PEX6: variants seen among roughly 807,000 people sequenced by gnomAD.
PEX6 encodes peroxisome biogenesis factor 6.
A neutral mutation model predicts 85.6 loss-of-function variants in PEX6; 55 were observed. That is an observed-to-expected ratio of 0.64 (90% confidence interval 0.52 to 0.80). PEX6 has a LOEUF of 0.80. PEX6 is among the 30% of genes least tolerant of loss of function. The probability of loss-of-function intolerance (pLI) is 0.00; values close to 1 mark genes in which losing one functional copy is unlikely to be tolerated. For missense variants in PEX6, 1,099 were observed against 1,260.3 expected (o/e 0.87, Z 1.94); for synonymous variants, 519 against 549.1 (o/e 0.95, Z 0.77).
In PEX6 at chr6:42,971,441, A is replaced by C. The variant is rs562516590; in HGVS notation, c.1131-1454T>G. Among the ~76,000 whole-genome samples the C allele has an allele frequency of 6.0e-4, 91 of 152,330 alleles. 1 individual carries two copies. The highest frequency in any genetic ancestry group is 4.9e-3 in the Admixed American group (75 of 15,302). Reference sequence around the variant, plus strand: ...CCACCTCAGTGAATAGAAAGGCCAGAGCTCTGGAACCTATGTGGACACTGC... The same window carrying C: ...CCACCTCAGTGAATAGAAAGGCCAGCGCTCTGGAACCTATGTGGACACTGC... On this transcript the variant is annotated intron_variant, in intron 3 of 16. Transcript: ENST00000304611. The surrounding 1 kb of genome is among the most constrained non-coding windows in gnomAD (Gnocchi z 4.4).
Position 42,974,947 on chromosome 6 carries a change from A to G in PEX6, c.974T>C (p.Ile325Thr). 1 of 1,613,744 alleles carries G rather than the reference A, an allele frequency of 6.2e-7. No homozygotes were observed. The highest frequency in any genetic ancestry group is 8.5e-7 in the Non-Finnish European group (1 of 1,179,696). The change falls in exon 2 of 17, where the codon ATT (isoleucine) becomes ACT (threonine). Residue 325 changes from isoleucine (I) to threonine (T), a missense_variant. Physicochemically the swap from Ile to Thr is moderately conservative, Grantham distance 89. Coordinates refer to ENST00000304611, the MANE Select transcript of PEX6 (RefSeq NM_000287.4). ...PPFARELHIE[I>T]VSSPHYSTNG... is the part of the protein sequence containing the mutation. Reference sequence around the variant, plus strand: ...AGTGCTGTAGTGGGGAGAAGACACAATTTCGATGTGTAACTCTCTGGCAAA... The same window carrying G: ...AGTGCTGTAGTGGGGAGAAGACACAGTTTCGATGTGTAACTCTCTGGCAAA...
At chr6:42,977,041 T>A (rs1345654068) in intron 1 of PEX6, among the ~76,000 whole-genome samples, 1 of 152,122 alleles carries the variant, frequency 6.6e-6, no homozygotes, top group Non-Finnish European at 1.5e-5. Context: ...GTGATAAAGG[T>A]GTCATCTTTA....
rs548845453 is a variant in PEX6, at chr6:42,965,114, C to T, written c.2627G>A (p.Arg876Gln). ...ACTTAGAACGCGTAGCTGGGAGGCC[C>T]GGTCCTCATTTGCCCCCACAAACAC... ...KLVFVGANED[R>Q]ASQLRVLSAI... The change falls in exon 15 of 17, where the codon CGG (arginine) becomes CAG (glutamine). Residue 876 changes from arginine to glutamine, a missense_variant. By Grantham distance (43) the Arg-to-Gln change is conservative. This residue lies in a region of PEX6 where 514 missense variants were observed against 627.0 expected (regional missense o/e 0.82). Transcript: ENST00000304611. This position sits in a 1 kb window ranked among gnomAD's most constrained non-coding sequence, Gnocchi z 5.0. 2.7e-5 allele frequency: 43 copies of T among 1,614,180 alleles called. No individual in the cohort carries two copies. In the South Asian group the frequency reaches 3.6e-4, roughly 14 times the overall value.
chr6:42,969,567 C>T (rs1769984807), intron 5 of PEX6, 101 bp downstream of exon 5: 1 of 1,462,414 alleles, frequency 6.8e-7, no homozygotes, highest in Admixed American at 1.7e-5. Context: ...CTCCCAATCC[C>T]ACTCTGGCCA....
chr6:42,973,035 G>GAA (rs1770122361), intron 3 of PEX6, among the ~76,000 whole-genome samples: 1 of 151,978 alleles, frequency 6.6e-6, no homozygotes, highest in African/African-American at 2.4e-5. Context: ...TTTTTGAGAT[G>GAA]GAGTCTTGCT....
intron 1 of PEX6, among the ~76,000 whole-genome samples, chr6:42,976,202 G>A (rs972174833): frequency 3.3e-5 from 5 of 151,770 alleles, no homozygotes; most frequent in Admixed American, 6.6e-5. Flanking sequence ...ATGGGGTTTC[G>A]CCATGTTAGC....
At chr6:42,967,290 C>T in intron 8 of PEX6, 78 bp downstream of exon 8, 1 of 1,421,116 alleles carries the variant, frequency 7.0e-7, no homozygotes, top group Non-Finnish European at 9.8e-7. Flanking sequence ...CTCTCACTCA[C>T]AAGGCAACAG....
In PEX6 at chr6:42,969,909, G is replaced by A. The variant is rs953983283; in HGVS notation, c.1209C>T (p.Asp403=). The change falls in exon 4 of 17, where the codon GAC becomes GAT. Residue 403 remains aspartate, a synonymous_variant. Coordinates refer to ENST00000304611, the MANE Select transcript of PEX6 (RefSeq NM_000287.4). ...PDGPASAYLA[D]TTHTSLYMVG... is the part of the protein sequence containing the mutation. ...CCATGTACAAGGAGGTATGGGTGGTGTCGGCCAAGTAGGCACTGGCTGGTC... is the reference window on the plus strand; with the variant it reads ...CCATGTACAAGGAGGTATGGGTGGTATCGGCCAAGTAGGCACTGGCTGGTC... 2 of 1,614,212 alleles carry A rather than the reference G, an allele frequency of 1.2e-6. No homozygotes were observed. Among genetic ancestry groups the A allele is most frequent in the Non-Finnish European group, 1.7e-6 (2 of 1,180,030 alleles).
chr6:42,967,629 C>A lies in PEX6; in HGVS notation c.1689-66G>T. Reference sequence around the variant, plus strand: ...TGGCAGCTCCTGTGGACTGCCTTGTCCCAAAGTCGGCACAGAAGGGCAGGG... The same window carrying A: ...TGGCAGCTCCTGTGGACTGCCTTGTACCAAAGTCGGCACAGAAGGGCAGGG... On this transcript the variant is annotated intron_variant, in intron 7 of 16. Transcript: ENST00000304611. 6 of 1,487,676 alleles carry A rather than the reference C, an allele frequency of 4.0e-6. No homozygotes were observed. The South Asian group carries it at 6.0e-5, about 15-fold the overall frequency. The allele number at this position is 1,487,676 out of a possible 1,614,324, so 92.2% of individuals were successfully genotyped here.
At chr6:42,974,442 GTTT>G (rs71855084) in intron 2 of PEX6, among the ~76,000 whole-genome samples, 14,851 of 114,140 alleles carry the variant, frequency 0.13, 1,043 homozygotes, top group African/African-American at 0.23. Flanking sequence ...TGTCTGAAAT[GTTT>G]TTTTTGTTTT....
In PEX6 at chr6:42,971,996, C is replaced by T. The variant is rs1045347004; in HGVS notation, c.1130+2007G>A. Among the ~76,000 whole-genome samples, 4 of 152,166 alleles carry T rather than the reference C, an allele frequency of 2.6e-5. No individual in the cohort carries two copies. Among genetic ancestry groups the T allele is most frequent in the Non-Finnish European group, 5.9e-5 (4 of 68,034 alleles). On this transcript the variant is annotated intron_variant, in intron 3 of 16. Coordinates refer to ENST00000304611, the MANE Select transcript of PEX6 (RefSeq NM_000287.4). The surrounding 1 kb of genome is among the most constrained non-coding windows in gnomAD (Gnocchi z 4.4). ...GACTCGTGGACTTAATCTGGAAAAC[C>T]TCGAAGAGGTGACATGGAGCCTAAA...
At chr6:42,976,681 T>G (rs1195876856) in intron 1 of PEX6, among the ~76,000 whole-genome samples, 1 of 151,524 alleles carries the variant, frequency 6.6e-6, no homozygotes, top group Admixed American at 6.6e-5. Context: ...TTTTACACAA[T>G]GAAGGTTTAT....
chr6:42,965,304 C>T lies in PEX6; in HGVS notation c.2536G>A (p.Gly846Arg), dbSNP rs753497339. ...AGGAGATCTGGTCTGTTGGTGGCTC[C>T]AATCACAAACACATCCTGAGTGCTG... ...LHSTQDVFVI[G>R]ATNRPDLLDP... Residue 846 changes from glycine to arginine, a missense_variant, in exon 14 of 17, where the codon GGA becomes AGA. Around this residue, in one of 3 missense-constraint regions of PEX6, gnomAD observed 514 missense variants for 627.0 expected, o/e 0.82. Transcript: ENST00000304611. The surrounding 1 kb of genome is among the most constrained non-coding windows in gnomAD (Gnocchi z 5.0). 1 of 1,614,142 alleles carries T rather than the reference C, an allele frequency of 6.2e-7. No homozygotes were observed. The highest frequency in any genetic ancestry group is 1.1e-5 in the South Asian group (1 of 91,084).
Position 42,964,861 on chromosome 6 carries a change from G to C in PEX6, c.2735C>G (p.Ala912Gly). The C allele has an allele frequency of 6.2e-7, 1 of 1,614,098 alleles. No individual in the cohort carries two copies. The highest frequency in any genetic ancestry group is 8.5e-7 in the Non-Finnish European group (1 of 1,180,002). Residue 912 changes from alanine (A) to glycine (G), a missense_variant, in exon 16 of 17, where the codon GCG becomes GGG. Physicochemically the swap from Ala to Gly is moderately conservative, Grantham distance 60. Transcript: ENST00000304611. The surrounding 1 kb of genome is among the most constrained non-coding windows in gnomAD (Gnocchi z 4.6). ...LDCCPPQLTG[A>G]DLYSLCSDAM... ...ATCAGAGCAGAGAGAGTAGAGGTCC[G>C]CGCCCGTCAGCTGGGGAGGGCAGCA... is the stretch of plus-strand genomic sequence containing the variant.
Position 42,964,766 on chromosome 6 carries a change from C to T in PEX6, c.2806+24G>A, listed in dbSNP as rs775962331. 3.7e-6 allele frequency: 6 copies of T among 1,613,720 alleles called. No homozygotes were observed. In the South Asian group the frequency reaches 6.6e-5, roughly 18 times the overall value. On this transcript the variant is annotated intron_variant, in intron 16 of 16. Coordinates refer to ENST00000304611, the MANE Select transcript of PEX6 (RefSeq NM_000287.4). The surrounding 1 kb of genome is among the most constrained non-coding windows in gnomAD (Gnocchi z 4.6). ...GCTCCCCACTAGCTTTTTGGTTGACCTCTCAGACCGGCAAGTGGCTCACCT... is the reference window on the plus strand; with the variant it reads ...GCTCCCCACTAGCTTTTTGGTTGACTTCTCAGACCGGCAAGTGGCTCACCT...
chr6:42,963,980 A>G lies in PEX6; in HGVS notation c.*355T>C. ...TCCTCCCACAACCCTGCTCTTTCTC[A>G]CTCCAACCTTTCATGCCACAACACC... On this transcript the variant is annotated 3_prime_UTR_variant, in exon 17 of 17. Transcript: ENST00000304611. 2.0e-6 allele frequency: 1 copy of G among 489,410 alleles called. No individual in the cohort carries two copies. Among genetic ancestry groups the G allele is most frequent in the Non-Finnish European group, 3.5e-6 (1 of 284,092 alleles). The allele number at this position is 489,410 out of a possible 1,614,324, so 30.3% of individuals were successfully genotyped here.
intron 8 of PEX6, 102 bp from the exon 9 acceptor site, chr6:42,966,960 G>GTTTTTT: frequency 1.4e-6 from 1 of 706,102 alleles, no homozygotes; most frequent in Non-Finnish European, 2.4e-6. Flanking sequence ...GATGCCTTAG[G>GTTTTTT]TTTGTTGTTT....
intron 1 of PEX6, among the ~76,000 whole-genome samples, chr6:42,975,305 C>T (rs1357623532): frequency 1.3e-5 from 2 of 152,212 alleles, no homozygotes; most frequent in East Asian, 3.8e-4. Context: ...TGGCCCAGAG[C>T]CAGTGAAATG....
At chr6:42,975,248 CA>C (rs1770239132) in intron 1 of PEX6, among the ~76,000 whole-genome samples, 1 of 152,138 alleles carries the variant, frequency 6.6e-6, no homozygotes, top group South Asian at 2.1e-4. Context: ...ACTCTGGCTC[CA>C]AAAAATTTTC....
Sources: allele counts gnomAD v4.1 joint callset (sites outside exome capture counted in the v4.1 genomes callset), GRCh38; gene constraint gnomAD v4.1.1; regional missense constraint gnomAD v4.1.1; non-coding constraint Gnocchi (gnomAD v3.1); transcripts MANE v1.5; gene names NCBI Gene and HGNC (gene_info 2026-07-23, HGNC 2026-07-21).